Variants in ZNF385D observed in about 807,000 individuals in gnomAD.
The protein encoded by ZNF385D is zinc finger protein 659.
Under a neutral mutation model 35.8 loss-of-function variants are expected in ZNF385D, and 15 were observed. That is an observed-to-expected ratio of 0.42 (90% CI 0.28 to 0.64). The LOEUF is 0.64. Among genes scored for constraint, ZNF385D ranks in the 30% least tolerant of loss-of-function variants. The probability of loss-of-function intolerance (pLI) is 0.23; values close to 1 mark genes in which losing one functional copy is unlikely to be tolerated. For missense variants in ZNF385D, 474 were observed against 494.6 expected (o/e 0.96, Z 0.39); for synonymous variants, 212 against 186.8 (o/e 1.13, Z -1.10).
chr3:22,065,996 T>C (rs1559342662), intron 3 of ZNF385D, among the ~76,000 whole-genome samples: 1 of 152,092 alleles, frequency 6.6e-6, no homozygotes, highest in Non-Finnish European at 1.5e-5. Flanking sequence ...TATTTATTCC[T>C]GAAAGTGAAA....
At chr3:22,115,397 T>C (rs1472137906) in intron 3 of ZNF385D, among the ~76,000 whole-genome samples, 2 of 152,074 alleles carry the variant, frequency 1.3e-5, no homozygotes, top group Non-Finnish European at 1.5e-5. Flanking sequence ...AAAGAGAACA[T>C]AGGTGTCCTT....
intron 3 of ZNF385D, among the ~76,000 whole-genome samples, chr3:22,010,812 T>A (rs929901554): frequency 6.6e-6 from 1 of 152,204 alleles, no homozygotes; most frequent in African/African-American, 2.4e-5. Flanking sequence ...AGATGGTGCT[T>A]TGGGTTGTTT....
chr3:22,008,421 C>T (rs942434459), intron 3 of ZNF385D, among the ~76,000 whole-genome samples: 3 of 141,454 alleles, frequency 2.1e-5, no homozygotes, highest in Non-Finnish European at 3.0e-5. Flanking sequence ...GGCCCGATCT[C>T]GGCTCACTGC....
intron 2 of ZNF385D, among the ~76,000 whole-genome samples, chr3:22,309,190 A>G (rs1447814859): frequency 6.6e-6 from 1 of 152,076 alleles, no homozygotes; most frequent in Non-Finnish European, 1.5e-5. Context: ...GTAAACTAAA[A>G]TGTGAAAAGG....
At chr3:21,634,525 AT>A (rs891019110) in intron 2 of ZNF385D, among the ~76,000 whole-genome samples, 4 of 152,068 alleles carry the variant, frequency 2.6e-5, no homozygotes, top group African/African-American at 9.7e-5. Flanking sequence ...TTATTTTAAA[AT>A]ATATATACCT....
chr3:21,968,683 G>C (rs911592548), intron 3 of ZNF385D, among the ~76,000 whole-genome samples: 4 of 152,228 alleles, frequency 2.6e-5, no homozygotes, highest in African/African-American at 9.6e-5. Flanking sequence ...CTACTGACTA[G>C]AGAGCTCTTG....
chr3:21,546,887 G>T (rs1184489582), intron 3 of ZNF385D, among the ~76,000 whole-genome samples: 2 of 151,974 alleles, frequency 1.3e-5, no homozygotes, highest in African/African-American at 4.8e-5. Flanking sequence ...GGTGGTGCCT[G>T]CCAAAGTCGC....
intron 3 of ZNF385D, among the ~76,000 whole-genome samples, chr3:22,024,217 G>A (rs1438161904): frequency 1.3e-5 from 2 of 152,082 alleles, no homozygotes; most frequent in African/African-American, 4.8e-5. Flanking sequence ...TTCAGTTTGG[G>A]CACTTGGACT....
chr3:21,437,641 C>A (rs940522458), intron 4 of ZNF385D, among the ~76,000 whole-genome samples: 12 of 109,636 alleles, frequency 1.1e-4, no homozygotes, highest in African/African-American at 3.9e-4. Context: ...TTACTTCTGT[C>A]TTTCATTGTT....
chr3:22,174,296 T>C (rs1488101191), intron 2 of ZNF385D, among the ~76,000 whole-genome samples: 1 of 152,194 alleles, frequency 6.6e-6, no homozygotes, highest in African/African-American at 2.4e-5. Flanking sequence ...CTTTAGTCAC[T>C]GTTCTTGCAT....
At chr3:22,026,738 C>T (rs374869650) in intron 3 of ZNF385D, among the ~76,000 whole-genome samples, 15 of 152,226 alleles carry the variant, frequency 9.9e-5, no homozygotes, top group Admixed American at 5.9e-4. Context: ...GCTGCCTCTA[C>T]CTAGAAAAAT....
chr3:21,777,355 C>G (rs1264078617), intron 3 of ZNF385D, among the ~76,000 whole-genome samples: 4 of 151,944 alleles, frequency 2.6e-5, no homozygotes, highest in African/African-American at 9.7e-5. Context: ...TCCACATCCT[C>G]CCTAAATGCC....
At chr3:21,530,553 G>A (rs2061897965) in intron 3 of ZNF385D, among the ~76,000 whole-genome samples, 1 of 152,148 alleles carries the variant, frequency 6.6e-6, no homozygotes, top group South Asian at 2.1e-4. Flanking sequence ...CTAATGGGAG[G>A]AGAAAATACT....
At chr3:21,842,833 T>A (rs756776486) in intron 3 of ZNF385D, among the ~76,000 whole-genome samples, 3 of 152,056 alleles carry the variant, frequency 2.0e-5, no homozygotes, top group Non-Finnish European at 4.4e-5. Flanking sequence ...GATAAGGACA[T>A]TTCTAAAAAC....
chr3:22,222,396 G>A (rs962119501), intron 2 of ZNF385D, among the ~76,000 whole-genome samples: 1 of 152,030 alleles, frequency 6.6e-6, no homozygotes, highest in Admixed American at 6.6e-5. Flanking sequence ...ACTTATTTTA[G>A]AAATATTTAC....
chr3:21,668,966 A>C (rs1031953896), intron 1 of ZNF385D, among the ~76,000 whole-genome samples: 2 of 152,196 alleles, frequency 1.3e-5, no homozygotes, highest in African/African-American at 4.8e-5. Flanking sequence ...TAGGTGAGAA[A>C]GTTTTGTTCT....
chr3:22,318,711 G>A (rs1422352877), intron 2 of ZNF385D, among the ~76,000 whole-genome samples: 3 of 151,884 alleles, frequency 2.0e-5, no homozygotes, highest in Non-Finnish European at 2.9e-5. Context: ...AAAGATCCCC[G>A]GAAATCACAA....
chr3:21,737,241 T>G (rs1415460307), intron 1 of ZNF385D, among the ~76,000 whole-genome samples: 1 of 152,234 alleles, frequency 6.6e-6, no homozygotes, highest in African/African-American at 2.4e-5. Flanking sequence ...GATAGATACA[T>G]GTGTCCATGT....
At chr3:21,878,537 C>T (rs1559716112) in intron 3 of ZNF385D, among the ~76,000 whole-genome samples, 2 of 151,846 alleles carry the variant, frequency 1.3e-5, no homozygotes, top group African/African-American at 2.4e-5. Context: ...GCATGAAGTC[C>T]TTATTTTTCA....
Sources: gnomAD v4.1 joint callset for allele counts (sites outside exome capture counted in the v4.1 genomes callset) on GRCh38, gnomAD v4.1.1 for gene constraint, MANE v1.5 for transcripts, NCBI Gene and HGNC (gene_info 2026-07-23, HGNC 2026-07-21) for gene names.